Variants in DNER observed in about 807,000 individuals in gnomAD.
The protein encoded by DNER is delta/notch like EGF repeat containing.
Under a neutral mutation model 78.2 loss-of-function variants are expected in DNER, and 33 were observed. The ratio of observed to expected loss-of-function variants is 0.42; its 90% CI spans 0.32 to 0.56. The LOEUF (loss-of-function observed/expected upper bound fraction) is 0.56. Among genes scored for constraint, DNER ranks in the 20% least tolerant of loss-of-function variants. The probability of loss-of-function intolerance (pLI) is 0.11; values close to 1 mark genes in which losing one functional copy is unlikely to be tolerated. For synonymous variants in DNER, 417 were observed against 384.8 expected, an observed-to-expected ratio of 1.08 and a Z score of -0.98; for missense variants, 918 against 975.3, an observed-to-expected ratio of 0.94 and a Z score of 0.78.
At chr2:229,557,314 G>C (rs1479556986) in intron 4 of DNER, among the ~76,000 whole-genome samples, 1 of 152,202 alleles carries the variant, frequency 6.6e-6, no homozygotes, top group Non-Finnish European at 1.5e-5. Flanking sequence ...CTTAATGGTA[G>C]GAAGTCAATG....
intron 1 of DNER, among the ~76,000 whole-genome samples, chr2:229,688,748 C>T (rs1699524466): frequency 2.0e-5 from 3 of 152,078 alleles, no homozygotes; most frequent in Non-Finnish European, 4.4e-5. Flanking sequence ...TGGAATCAGC[C>T]CAAATGCCCA....
intron 6 of DNER, among the ~76,000 whole-genome samples, chr2:229,503,550 G>A (rs1695668867): frequency 6.6e-6 from 1 of 152,074 alleles, no homozygotes; most frequent in African/African-American, 2.4e-5. Flanking sequence ...TGCCTTAAAG[G>A]GTACAATACA....
intron 1 of DNER, among the ~76,000 whole-genome samples, chr2:229,683,698 G>C (rs1699427607): frequency 6.6e-6 from 1 of 152,132 alleles, no homozygotes; most frequent in African/African-American, 2.4e-5. Flanking sequence ...GATGATACCA[G>C]CACATGTGGC....
chr2:229,651,828 C>T (rs1402264613), intron 1 of DNER, among the ~76,000 whole-genome samples: 1 of 152,114 alleles, frequency 6.6e-6, no homozygotes, highest in Non-Finnish European at 1.5e-5. Context: ...GAGCAACATG[C>T]AAGTTAGCAT....
At chr2:229,660,428 C>T (rs1698989517) in intron 1 of DNER, among the ~76,000 whole-genome samples, 1 of 152,176 alleles carries the variant, frequency 6.6e-6, no homozygotes, top group Non-Finnish European at 1.5e-5. Flanking sequence ...CCAGCTCCAT[C>T]CATGTCCCTG....
At chr2:229,599,408 T>C (rs374663564) in intron 1 of DNER, among the ~76,000 whole-genome samples, 1 of 150,466 alleles carries the variant, frequency 6.6e-6, no homozygotes, top group African/African-American at 2.4e-5. Flanking sequence ...TTTCTCAACA[T>C]TGGTACTTTT....
At chr2:229,577,590 G>A (rs1026355115) in intron 4 of DNER, among the ~76,000 whole-genome samples, 2 of 152,024 alleles carry the variant, frequency 1.3e-5, no homozygotes, top group Non-Finnish European at 1.5e-5. Context: ...AGCAGAGATC[G>A]TGCCATTGCA....
intron 1 of DNER, among the ~76,000 whole-genome samples, chr2:229,697,267 A>G (rs564335926): frequency 1.3e-4 from 20 of 152,348 alleles, no homozygotes; most frequent in African/African-American, 4.8e-4. Flanking sequence ...ATAATGGATT[A>G]CTCCATTTCT....
intron 1 of DNER, among the ~76,000 whole-genome samples, chr2:229,685,596 C>T (rs1211882737): frequency 5.9e-5 from 9 of 152,314 alleles, no homozygotes; most frequent in South Asian, 2.1e-4. Flanking sequence ...ATAAACGGGC[C>T]TGTGTAGAGA....
chr2:229,687,957 C>A (rs1000742291), intron 1 of DNER, among the ~76,000 whole-genome samples: 8 of 152,202 alleles, frequency 5.3e-5, no homozygotes, highest in Non-Finnish European at 8.8e-5. Context: ...AGTTGGCCAG[C>A]AAGTGTTTGG....
At chr2:229,560,061 G>A (rs1168921102) in intron 4 of DNER, among the ~76,000 whole-genome samples, 2 of 152,218 alleles carry the variant, frequency 1.3e-5, no homozygotes, top group East Asian at 1.9e-4. Flanking sequence ...CTCTGGAATG[G>A]AGTGGTCAAG....
intron 1 of DNER, among the ~76,000 whole-genome samples, chr2:229,614,030 G>T (rs2154215275): frequency 6.6e-6 from 1 of 150,746 alleles, no homozygotes; most frequent in South Asian, 2.1e-4. Flanking sequence ...CTGTTGTGGG[G>T]TGGGGGGGAG....
Position 229,441,679 on chromosome 2 carries a change from G to A in DNER, c.1486+5637C>T, listed in dbSNP as rs115834298. ...AGAGAAAGTGGATACTTGGTATTTT[G>A]CGGGTTGCAGGGTGACCTTGTTTTT... On this transcript the variant is annotated intron_variant, in intron 8 of 12. Coordinates refer to ENST00000341772, the MANE Select transcript of DNER (RefSeq NM_139072.4). Among the ~76,000 whole-genome samples the A allele has an allele frequency of 3.1e-3, 476 of 152,304 alleles. 4 individuals are homozygous for A. The highest frequency in any genetic ancestry group is 0.011 in the African/African-American group (441 of 41,558).
intron 1 of DNER, among the ~76,000 whole-genome samples, chr2:229,612,410 T>C (rs1698065618): frequency 6.6e-6 from 1 of 151,982 alleles, no homozygotes; most frequent in Non-Finnish European, 1.5e-5. Flanking sequence ...CAGAGAGAGA[T>C]TTACTGTAAA....
At chr2:229,698,173 T>C (rs1699689419) in intron 1 of DNER, among the ~76,000 whole-genome samples, 1 of 152,202 alleles carries the variant, frequency 6.6e-6, no homozygotes, top group Admixed American at 6.5e-5. Context: ...TCCCACCACT[T>C]GCACTCCAGC....
Position 229,684,179 on chromosome 2 carries a change from T to A in DNER, c.276+29969A>T, listed in dbSNP as rs928423662. Among the ~76,000 whole-genome samples, 259 of 146,424 alleles carry A rather than the reference T, an allele frequency of 1.8e-3. 1 individual carries two copies. The highest frequency in any genetic ancestry group is 6.1e-3 in the African/African-American group (235 of 38,664). ...GAGAGAGAGAGAGAGAGTGTGTGTG[T>A]GTGTGTGTGTGTGTGTGTGTGTGTG... On this transcript the variant is annotated intron_variant, in intron 1 of 12. Transcript: ENST00000341772.
chr2:229,558,746 C>T (rs916114274), intron 4 of DNER, among the ~76,000 whole-genome samples: 9 of 151,984 alleles, frequency 5.9e-5, no homozygotes, highest in African/African-American at 1.9e-4. Context: ...AGATGTTTGC[C>T]GAGGTCAAGG....
rs765756411 is a variant in DNER at position 229,388,356 on chromosome 2, G to T, written c.1764C>A (p.Asn588Lys). ...CDIDINECDSNPCHHGGSCLD... is the reference protein window; with the variant it reads ...CDIDINECDSKPCHHGGSCLD... ...GGCAGCTCCCACCATGGTGGCAGGG[G>T]TTACTGTCACATTCATTTATGTCAA... Residue 588 changes from asparagine (N) to lysine (K), a missense_variant, in exon 11 of 13, where the codon AAC becomes AAA. Physicochemically the swap from Asn to Lys is moderately conservative, Grantham distance 94. Coordinates refer to ENST00000341772, the MANE Select transcript of DNER (RefSeq NM_139072.4). 6.2e-7 allele frequency: 1 copy of T among 1,612,220 alleles called. No homozygotes were observed. The highest frequency in any genetic ancestry group is 1.1e-5 in the South Asian group (1 of 90,870).
At chr2:229,520,266 A>T (rs960948744) in intron 5 of DNER, among the ~76,000 whole-genome samples, 4 of 152,212 alleles carry the variant, frequency 2.6e-5, no homozygotes, top group African/African-American at 9.6e-5. Context: ...TAAGAGCATC[A>T]GAGTCATTCT....
Sources: allele counts gnomAD v4.1 joint callset (sites outside exome capture counted in the v4.1 genomes callset), GRCh38; gene constraint gnomAD v4.1.1; transcripts MANE v1.5; gene names NCBI Gene and HGNC (gene_info 2026-07-23, HGNC 2026-07-21).